Variants in NFIB observed in about 807,000 individuals in gnomAD.
NFIB encodes nuclear factor 1 B-type.
In NFIB, 11 loss-of-function variants were observed where a neutral mutation model predicts 61.5. That is an observed-to-expected ratio of 0.18 (90% CI 0.11 to 0.30). The LOEUF is 0.30. Ranked by LOEUF, NFIB falls within the 10% of genes least tolerant of loss-of-function variation. The probability of loss-of-function intolerance (pLI) is 1.00; values close to 1 mark genes in which losing one functional copy is unlikely to be tolerated. For synonymous variants in NFIB, 260 were observed against 216.5 expected, an observed-to-expected ratio of 1.20 and a Z score of -1.76; for missense variants, 471 against 608.9, an observed-to-expected ratio of 0.77 and a Z score of 2.38.
chr9:14,216,136 G>A (rs1050786532), intron 2 of NFIB, among the ~76,000 whole-genome samples: 1 of 152,158 alleles, frequency 6.6e-6, no homozygotes, highest in South Asian at 2.1e-4. Flanking sequence ...ACAAAAGATA[G>A]GTTGGCAATG....
In NFIB at chr9:14,376,521, T is replaced by C. The variant is rs796501839; in HGVS notation, c.108+22003A>G. ...AAAGAGCACTTCTAAAAGTGTCATT[T>C]TTTTTTTTTTTTTGATACAGGGTTT... On this transcript the variant is annotated intron_variant, in intron 1 of 8. Transcript: ENST00000380934. Among the ~76,000 whole-genome samples the C allele has an allele frequency of 6.2e-4, 93 of 150,042 alleles. 3 individuals are homozygous for C. The East Asian group carries it at 0.015, about 25-fold the overall frequency.
chr9:14,145,292 T>C (rs1209689597), intron 6 of NFIB, among the ~76,000 whole-genome samples: 2 of 152,106 alleles, frequency 1.3e-5, no homozygotes, highest in Admixed American at 1.3e-4. Flanking sequence ...GGTTATGCTT[T>C]TGTCTCAGTT....
intron 2 of NFIB, among the ~76,000 whole-genome samples, chr9:14,257,064 A>G (rs901076051): frequency 5.3e-5 from 8 of 152,224 alleles, no homozygotes; most frequent in Non-Finnish European, 1.2e-4. Flanking sequence ...GTATTGCCTA[A>G]AGGTTTAGCA....
intron 1 of NFIB, chr9:14,357,110 G>A (rs2132934124): frequency 6.6e-6 from 1 of 152,342 alleles, no homozygotes; most frequent in African/African-American, 2.4e-5. Flanking sequence ...TTGGAAAAGA[G>A]TTGCTGTATA....
chr9:14,486,239 C>G, the NFIB span, among the ~76,000 whole-genome samples: 1 of 152,076 alleles, frequency 6.6e-6, no homozygotes, highest in Admixed American at 6.5e-5. Context: ...CTTATGAAAA[C>G]CAAATGTCCG....
chr9:14,528,435 A>G, the NFIB span, among the ~76,000 whole-genome samples: 1 of 152,188 alleles, frequency 6.6e-6, no homozygotes, highest in African/African-American at 2.4e-5. Flanking sequence ...TTCAACAAAG[A>G]ATAACCTTGG....
chr9:14,124,420 T>A (rs1207366638), intron 7 of NFIB, among the ~76,000 whole-genome samples: 2 of 152,212 alleles, frequency 1.3e-5, no homozygotes, highest in Non-Finnish European at 2.9e-5. Flanking sequence ...CGTAATTTTT[T>A]AATGATAGCA....
chr9:14,314,289 A>AGCC (rs888974121), upstream of NFIB: 7 of 382,168 alleles, frequency 1.8e-5, no homozygotes, highest in African/African-American at 2.2e-5. Context: ...CGGCAGCAGC[A>AGCC]GCCGCCGCCG....
intron 1 of NFIB, among the ~76,000 whole-genome samples, chr9:14,394,712 T>C (rs575871422): frequency 6.6e-6 from 1 of 152,268 alleles, no homozygotes; most frequent in African/African-American, 2.4e-5. Context: ...TTCCTTCAAA[T>C]GGCTTCCATG....
At chr9:14,229,344 T>G (rs2131912965) in intron 2 of NFIB, among the ~76,000 whole-genome samples, 1 of 152,284 alleles carries the variant, frequency 6.6e-6, no homozygotes, top group South Asian at 2.1e-4. Context: ...ATTCTGAGTC[T>G]AAAGACGATG....
Position 14,235,029 on chromosome 9 carries a change from T to C in NFIB, c.563-55249A>G, listed in dbSNP as rs535244101. The stretch of plus-strand genomic sequence containing the variant: ...TCTTGCAGTTCAAATGTGGCAATCT[T>C]AACTATTTAGGGTTTCACAACTGGT... On this transcript the variant is annotated intron_variant, in intron 2 of 10. Coordinates refer to ENST00000380953, the MANE Select transcript of NFIB (RefSeq NM_001190737.2). 2.0e-5 allele frequency among the ~76,000 whole-genome samples: 3 copies of C among 152,318 alleles called. No individual in the cohort carries two copies. In the South Asian group the frequency reaches 6.2e-4, roughly 32 times the overall value.
the NFIB span, among the ~76,000 whole-genome samples, chr9:14,405,551 T>C: frequency 1.3e-5 from 2 of 152,200 alleles, no homozygotes; most frequent in African/African-American, 2.4e-5. Context: ...ACAGGCCAAG[T>C]GCATGCTGAT....
intron 8 of NFIB, among the ~76,000 whole-genome samples, chr9:14,118,520 A>G (rs1691085342): frequency 6.6e-6 from 1 of 152,080 alleles, no homozygotes; most frequent in Admixed American, 6.5e-5. Flanking sequence ...ACTTTCCTAA[A>G]ACTCAGGGTG....
chr9:14,269,557 A>C (rs1061820), intron 2 of NFIB, among the ~76,000 whole-genome samples: 1 of 151,964 alleles, frequency 6.6e-6, no homozygotes, highest in Admixed American at 6.5e-5. Flanking sequence ...ATTGAGACAT[A>C]TGTGTTCTTA....
At chr9:14,492,844 A>G in the NFIB span, among the ~76,000 whole-genome samples, 2 of 152,256 alleles carry the variant, frequency 1.3e-5, no homozygotes, top group Admixed American at 1.3e-4. Flanking sequence ...ATGATGTGAG[A>G]GGGGGTGTGT....
intron 2 of NFIB, among the ~76,000 whole-genome samples, chr9:14,272,051 C>G (rs535433735): frequency 6.6e-6 from 1 of 152,224 alleles, no homozygotes; most frequent in East Asian, 1.9e-4. Flanking sequence ...CATCCAGTGG[C>G]CATTAAAAAA....
rs373510654 is a variant in NFIB, at chr9:14,263,877, A to G, written c.562+43112T>C. 2.6e-5 allele frequency among the ~76,000 whole-genome samples: 4 copies of G among 152,306 alleles called. No homozygotes were observed. In the East Asian group the frequency reaches 7.7e-4, roughly 29 times the overall value. The stretch of plus-strand genomic sequence containing the variant: ...TGGCAGTTACTTATCCTCCTCGTAC[A>G]AACTATTACTGCTCCTGTGTTATGT... On this transcript the variant is annotated intron_variant, in intron 2 of 10. Transcript: ENST00000380953.
At chr9:14,341,667 C>G (rs2060952039) in intron 1 of NFIB, among the ~76,000 whole-genome samples, 1 of 151,972 alleles carries the variant, frequency 6.6e-6, no homozygotes, top group African/African-American at 2.4e-5. Flanking sequence ...ACAATAAGAC[C>G]CATGGAAAAA....
chr9:14,352,892 T>C (rs1298937408), intron 1 of NFIB, among the ~76,000 whole-genome samples: 1 of 152,128 alleles, frequency 6.6e-6, no homozygotes, highest in East Asian at 1.9e-4. Flanking sequence ...CATCTGAGGG[T>C]TTGCATTGTG....
Sources: allele counts gnomAD v4.1 joint callset (sites outside exome capture counted in the v4.1 genomes callset), GRCh38; gene constraint gnomAD v4.1.1; transcripts MANE v1.5; gene names NCBI Gene and HGNC (gene_info 2026-07-23, HGNC 2026-07-21).